SREBF2: variants seen among roughly 807,000 people sequenced by gnomAD.
SREBF2 encodes the protein sterol regulatory element-binding protein 2.
SREBF2 carries 55 observed loss-of-function variants against 113.1 expected under a neutral mutation model. That is an observed-to-expected ratio of 0.49 (90% CI 0.39 to 0.61). The LOEUF is 0.61. Among genes scored for constraint, SREBF2 ranks in the 20% least tolerant of loss-of-function variants. SREBF2 has a pLI of 0.00. For missense variants in SREBF2, 1,349 were observed against 1,487.4 expected (o/e 0.91, Z 1.53); for synonymous variants, 593 against 605.7 (o/e 0.98, Z 0.31).
chr22:41,874,381 G>A (rs2077173672), intron 5 of SREBF2, among the ~76,000 whole-genome samples: 1 of 151,986 alleles, frequency 6.6e-6, no homozygotes, highest in Non-Finnish European at 1.5e-5. Flanking sequence ...TGTGTTTAGG[G>A]GTTACCTTTT....
rs761600642 is a variant in SREBF2 at position 41,866,935 on chromosome 22, GGCAGCAGTGGCAGCAGCAGCA to G, written c.201_221del (p.Gly68_Ser74del). Reference sequence around the variant, plus strand: ...CAGTGGTGGTAGTGGTAGCAGCAGCGGCAGCAGTGGCAGCAGCAGCAGCAGCAGCAATGGCAGGGGCAGCAG... The same window carrying G: ...CAGTGGTGGTAGTGGTAGCAGCAGCGGCAGCAGCAATGGCAGGGGCAGCAG... On this transcript the variant is annotated inframe_deletion, in exon 2 of 19. Transcript: ENST00000361204. The G allele has an allele frequency of 3.7e-6, 6 of 1,613,172 alleles. No homozygotes were observed. In the East Asian group the frequency reaches 8.9e-5, roughly 24 times the overall value.
At position 41,876,270 on chromosome 22, in the gene SREBF2, A is replaced by G. The variant is rs552192972; in HGVS notation, c.1386+546A>G. On this transcript the variant is annotated intron_variant, in intron 7 of 18. Coordinates refer to ENST00000361204, the MANE Select transcript of SREBF2 (RefSeq NM_004599.4). ...ATCTTCCTGGGAACCTGTAGAGACC[A>G]CTGGGTTTTGTACTGTATTTTGACT... is the stretch of plus-strand genomic sequence containing the variant. 1.6e-4 allele frequency among the ~76,000 whole-genome samples: 25 copies of G among 152,370 alleles called. 1 individual carries two copies. Among genetic ancestry groups the G allele is most frequent in the Admixed American group, 1.3e-3 (20 of 15,304 alleles).
At chr22:41,898,550 A>G in intron 14 of SREBF2, 99 bp from the exon 15 acceptor site, 1 of 1,536,244 alleles carries the variant, frequency 6.5e-7, no homozygotes, top group Non-Finnish European at 8.9e-7. Context: ...GCAGGCAAAG[A>G]TGTTACCCAT....
rs1289456432 is a variant in SREBF2, at chr22:41,907,262, C to G, written c.*1602C>G. ...TTCTTGATGTTCAATCAATCAGTCA[C>G]TGTGTCCCAGACATATTCAATAAAC... On this transcript the variant is annotated 3_prime_UTR_variant, in exon 19 of 19. Coordinates refer to ENST00000361204, the MANE Select transcript of SREBF2 (RefSeq NM_004599.4). 6.6e-6 allele frequency: 1 copy of G among 152,232 alleles called. No individual in the cohort carries two copies. Among genetic ancestry groups the G allele is most frequent in the Non-Finnish European group, 1.5e-5 (1 of 68,070 alleles). The allele number at this position is 152,232 out of a possible 1,614,324, so 9.4% of individuals were successfully genotyped here. A position where few individuals can be genotyped will look rare whatever the true frequency, so the allele number is the denominator to read the frequency against.
At chr22:41,860,266 C>T (rs1187448073) in intron 1 of SREBF2, among the ~76,000 whole-genome samples, 1 of 149,954 alleles carries the variant, frequency 6.7e-6, no homozygotes, top group Non-Finnish European at 1.5e-5. Flanking sequence ...ACAAAATAGC[C>T]TGATAGCAAA....
At position 41,893,197 on chromosome 22, in the gene SREBF2, C is replaced by A. The variant is rs757962980; in HGVS notation, c.2289C>A (p.His763Gln). 1 of 1,614,184 alleles carries A rather than the reference C, an allele frequency of 6.2e-7. No homozygotes were observed. The highest frequency in any genetic ancestry group is 1.1e-5 in the South Asian group (1 of 91,090). ...CTGACTCCCTGCGCTGGCTCTGCCA[C>A]CCCCTGGGCCAGAAGTTTTTCATGG... ...AVPDSLRWLC[H>Q]PLGQKFFMER... Residue 763 changes from histidine to glutamine, a missense_variant, in exon 12 of 19, where the codon CAC becomes CAA. Physicochemically the swap from His to Gln is conservative, Grantham distance 24. Transcript: ENST00000361204.
intron 1 of SREBF2, among the ~76,000 whole-genome samples, chr22:41,852,143 C>G (rs1270802914): frequency 1.3e-5 from 2 of 150,824 alleles, no homozygotes; most frequent in African/African-American, 2.4e-5. Context: ...AAACAAAAGG[C>G]AAACCTATGG....
intron 3 of SREBF2, among the ~76,000 whole-genome samples, chr22:41,869,916 C>T (rs151112854): frequency 0.042 from 6,426 of 151,266 alleles, 437 homozygotes; most frequent in African/African-American, 0.15. Flanking sequence ...TGCAGTGGCA[C>T]GATCTCGGCT....
intron 10 of SREBF2, among the ~76,000 whole-genome samples, chr22:41,882,285 G>A (rs1485220166): frequency 6.6e-6 from 1 of 152,124 alleles, no homozygotes; most frequent in African/African-American, 2.4e-5. Flanking sequence ...TTGGGTGAGC[G>A]ATGGTGCCAC....
rs762284189 is a variant in SREBF2, at chr22:41,878,069, C to T, written c.1707C>T (p.Arg569=). 10 of 1,614,096 alleles carry T rather than the reference C, an allele frequency of 6.2e-6. No homozygotes were observed. The South Asian group carries it at 1.1e-4, about 18-fold the overall frequency. The change falls in exon 9 of 19, where the codon CGC becomes CGT. Residue 569 remains arginine (R), a synonymous_variant. Coordinates refer to ENST00000361204, the MANE Select transcript of SREBF2 (RefSeq NM_004599.4). The part of the protein sequence containing the change: ...HGEPVIRPHS[R]SSVTFWRHRK... ...AGCCAGTGATCCGGCCACACTCGCG[C>T]TCCTCGGTCACCTTCTGGAGGCACC...
At chr22:41,858,696 A>G (rs1368333127) in intron 1 of SREBF2, among the ~76,000 whole-genome samples, 1 of 152,130 alleles carries the variant, frequency 6.6e-6, no homozygotes, top group Non-Finnish European at 1.5e-5. Context: ...ACAGTGAGCT[A>G]TGATCACATC....
intron 1 of SREBF2, among the ~76,000 whole-genome samples, chr22:41,857,908 C>T (rs191834390): frequency 6.6e-4 from 101 of 152,288 alleles, no homozygotes; most frequent in African/African-American, 2.4e-3. Flanking sequence ...GAGCCCAGTT[C>T]CTCAGCTGCT....
chr22:41,884,800 T>G (rs1330166135), intron 10 of SREBF2, 42 bp from the exon 11 acceptor site: 3 of 1,613,000 alleles, frequency 1.9e-6, no homozygotes, highest in Non-Finnish European at 1.7e-6. Context: ...AGTTTGGTTT[T>G]GGGGCTCCAT....
At chr22:41,849,639 T>TA (rs1270952731) in intron 1 of SREBF2, among the ~76,000 whole-genome samples, 1 of 152,202 alleles carries the variant, frequency 6.6e-6, no homozygotes, top group Non-Finnish European at 1.5e-5. Context: ...AATGTATACT[T>TA]AAAAAGAGAG....
chr22:41,850,179 G>A (rs913720168), intron 1 of SREBF2, among the ~76,000 whole-genome samples: 19 of 151,380 alleles, frequency 1.3e-4, no homozygotes, highest in East Asian at 7.8e-4. Flanking sequence ...GCTGGGCGCC[G>A]TGGCTTACGC....
At chr22:41,883,654 C>T (rs961077939) in intron 10 of SREBF2, among the ~76,000 whole-genome samples, 2 of 152,146 alleles carry the variant, frequency 1.3e-5, no homozygotes, top group South Asian at 4.1e-4. Context: ...GCCACACTGC[C>T]CTCTCACCTC....
intron 5 of SREBF2, 53 bp from the exon 6 acceptor site, chr22:41,875,284 C>T: frequency 1.3e-6 from 2 of 1,501,338 alleles, no homozygotes; most frequent in Non-Finnish European, 1.8e-6. Flanking sequence ...CTGCTCTTTT[C>T]ACACTGTAGC....
At chr22:41,878,708 T>A in intron 9 of SREBF2, 1 of 1,304,294 alleles carries the variant, frequency 7.7e-7, no homozygotes, top group Non-Finnish European at 1.0e-6. Context: ...GAGGAAGAGT[T>A]AAACATCCAC....
intron 1 of SREBF2, among the ~76,000 whole-genome samples, chr22:41,844,015 C>CAAA (rs777891538): frequency 1.1e-5 from 1 of 93,238 alleles, no homozygotes; most frequent in East Asian, 2.9e-4. Flanking sequence ...GACCCTGTCT[C>CAAA]AAAAAAAAAA....
Sources: allele counts gnomAD v4.1 joint callset (sites outside exome capture counted in the v4.1 genomes callset), GRCh38; gene constraint gnomAD v4.1.1; transcripts MANE v1.5; gene names NCBI Gene and HGNC (gene_info 2026-07-23, HGNC 2026-07-21).